RANBP2: variants seen among roughly 807,000 people sequenced by gnomAD.
The protein encoded by RANBP2 is RAN binding protein 2, also known as E3 SUMO-protein ligase RanBP2.
A neutral mutation model predicts 303.6 loss-of-function variants in RANBP2; 57 were observed. The observed-to-expected ratio is 0.19, with a 90% confidence interval of 0.15 to 0.23. The LOEUF (loss-of-function observed/expected upper bound fraction) is 0.23, where lower values mean the gene tolerates loss of function less well. Among genes scored for constraint, RANBP2 ranks in the 10% least tolerant of loss-of-function variants. RANBP2 has a pLI of 1.00. For missense variants in RANBP2, 3,138 were observed against 3,780.8 expected (o/e 0.83, Z 4.46); for synonymous variants, 1,167 against 1,301.5 (o/e 0.90, Z 2.23).
chr2:108,812,578 A>AT, the RANBP2 span: 1 of 1,350,170 alleles, frequency 7.4e-7, no homozygotes, highest in South Asian at 1.2e-5. Context: ...AACCCTTAGT[A>AT]TGAAACCAGT....
chr2:109,439,263 G>A, the RANBP2 span, among the ~76,000 whole-genome samples: 1 of 152,112 alleles, frequency 6.6e-6, no homozygotes, highest in Non-Finnish European at 1.5e-5. Flanking sequence ...GGGAGAGTGA[G>A]GCACGGGATG....
the RANBP2 span, among the ~76,000 whole-genome samples, chr2:109,357,556 C>T: frequency 6.6e-6 from 1 of 152,212 alleles, no homozygotes. Context: ...ACCAGCCCGC[C>T]CTTCCCGCAT....
the RANBP2 span, among the ~76,000 whole-genome samples, chr2:109,394,441 C>T: frequency 0.035 from 5,379 of 152,260 alleles, 167 homozygotes; most frequent in Non-Finnish European, 0.048. Context: ...TAGGGGGTGG[C>T]CCCTGCAGAG....
the RANBP2 span, among the ~76,000 whole-genome samples, chr2:109,659,738 G>C: frequency 6.6e-6 from 1 of 152,224 alleles, no homozygotes; most frequent in Non-Finnish European, 1.5e-5. Context: ...GGGGCCGCGG[G>C]GCCGGGAGCC....
the RANBP2 span, among the ~76,000 whole-genome samples, chr2:108,852,018 A>T: frequency 6.6e-6 from 1 of 152,166 alleles, no homozygotes; most frequent in East Asian, 1.9e-4. Flanking sequence ...CTATTTTATG[A>T]CTACCTAAGA....
At chr2:109,063,158 G>T in the RANBP2 span, among the ~76,000 whole-genome samples, 1 of 152,148 alleles carries the variant, frequency 6.6e-6, no homozygotes, top group South Asian at 2.1e-4. Context: ...TCCCCCTCTG[G>T]CTTGTGCCTG....
the RANBP2 span, among the ~76,000 whole-genome samples, chr2:109,108,887 G>T: frequency 6.6e-6 from 1 of 152,186 alleles, no homozygotes; most frequent in African/African-American, 2.4e-5. Context: ...AGGGTGCTGA[G>T]GGGCAGACTT....
chr2:109,370,486 G>A, the RANBP2 span, among the ~76,000 whole-genome samples: 7 of 152,048 alleles, frequency 4.6e-5, no homozygotes, highest in East Asian at 7.7e-4. Context: ...GTGATCACCC[G>A]CCTCGACCTC....
At chr2:109,549,265 T>C in the RANBP2 span, among the ~76,000 whole-genome samples, 1 of 152,220 alleles carries the variant, frequency 6.6e-6, no homozygotes, top group Non-Finnish European at 1.5e-5. Context: ...TTCTATCACA[T>C]GACTAGAGAT....
the RANBP2 span, among the ~76,000 whole-genome samples, chr2:109,230,994 A>G: frequency 6.6e-6 from 1 of 152,234 alleles, no homozygotes. Flanking sequence ...AGACAAAAGT[A>G]CACTTTGTTA....
At chr2:109,727,161 C>CT in the RANBP2 span, among the ~76,000 whole-genome samples, 1 of 152,192 alleles carries the variant, frequency 6.6e-6, no homozygotes, top group South Asian at 2.1e-4. Context: ...CAACTCACAT[C>CT]TTTCACTATG....
chr2:108,792,860 C>T, the RANBP2 span, among the ~76,000 whole-genome samples: 7 of 151,616 alleles, frequency 4.6e-5, no homozygotes, highest in Middle Eastern at 3.4e-3. Flanking sequence ...GTCAGGAGAT[C>T]GAGACCATCC....
At chr2:109,603,932 C>T in the RANBP2 span, among the ~76,000 whole-genome samples, 2 of 151,848 alleles carry the variant, frequency 1.3e-5, no homozygotes, top group East Asian at 2.0e-4. Context: ...GAGGCCGAGG[C>T]GGGCGGATCA....
chr2:108,766,364 G>A lies in RANBP2; in HGVS notation c.5825G>A (p.Ser1942Asn). 6.2e-7 allele frequency: 1 copy of A among 1,611,982 alleles called. No individual in the cohort carries two copies. Among genetic ancestry groups the A allele is most frequent in the Non-Finnish European group, 8.5e-7 (1 of 1,179,850 alleles). Residue 1942 changes from serine to asparagine, a missense_variant, in exon 20 of 29, where the codon AGT becomes AAT. This residue lies in a region of RANBP2 where 348 missense variants were observed against 360.4 expected (regional missense o/e 0.97). Coordinates refer to ENST00000283195, the MANE Select transcript of RANBP2 (RefSeq NM_006267.5). The part of the protein sequence containing the change: ...NGRGVIFGQT[S>N]STFTFADLAK... ...CGTGGTGTGATTTTTGGCCAAACAAGTAGCACTTTTACATTTGCAGATCTT... is the reference window on the plus strand; with the variant it reads ...CGTGGTGTGATTTTTGGCCAAACAAATAGCACTTTTACATTTGCAGATCTT...
chr2:109,572,609 CTTTTTTTTTTTTTTTT>C, the RANBP2 span, among the ~76,000 whole-genome samples: 1 of 111,202 alleles, frequency 9.0e-6, no homozygotes, highest in African/African-American at 3.8e-5. Context: ...TTTAAAACAA[CTTTTTTTTTTTTTTTT>C]TTTTTTTTTG....
At chr2:109,597,537 G>C in the RANBP2 span, among the ~76,000 whole-genome samples, 1 of 152,142 alleles carries the variant, frequency 6.6e-6, no homozygotes, top group Non-Finnish European at 1.5e-5. Flanking sequence ...CAACGCACAA[G>C]GGGGTAAGGA....
chr2:109,602,660 A>G, the RANBP2 span, among the ~76,000 whole-genome samples: 2 of 149,778 alleles, frequency 1.3e-5, 1 homozygote, highest in Non-Finnish European at 3.0e-5. Flanking sequence ...GGGCAACAAA[A>G]GCAAAACTCC....
chr2:109,172,020 A>G, the RANBP2 span, among the ~76,000 whole-genome samples: 1 of 152,242 alleles, frequency 6.6e-6, no homozygotes, highest in Non-Finnish European at 1.5e-5. Context: ...GGCAGGGCCC[A>G]GCACTGTGGG....
rs1278171678 is a variant in RANBP2, at chr2:108,726,059, G to A, written c.73-3073G>A. ...CTTCTTATCCACAGTATTGCCTTAC[G>A]TGGTTTTACTTAGCTGTGTCACCCG... On this transcript the variant is annotated intron_variant, in intron 1 of 28. Transcript: ENST00000283195. Among the ~76,000 whole-genome samples, 11 of 152,064 alleles carry A rather than the reference G, an allele frequency of 7.2e-5. No homozygotes were observed. In the East Asian group the frequency reaches 7.8e-4, roughly 11 times the overall value.
Sources: allele counts gnomAD v4.1 joint callset (sites outside exome capture counted in the v4.1 genomes callset), GRCh38; gene constraint gnomAD v4.1.1; regional missense constraint gnomAD v4.1.1; transcripts MANE v1.5; gene names NCBI Gene and HGNC (gene_info 2026-07-23, HGNC 2026-07-21).